UNC5C: variants seen among roughly 807,000 people sequenced by gnomAD.
UNC5C encodes the protein netrin receptor UNC5C.
In UNC5C, 47 loss-of-function variants were observed where a neutral mutation model predicts 99.8. The ratio of observed to expected loss-of-function variants is 0.47; its 90% CI spans 0.37 to 0.60. The LOEUF (loss-of-function observed/expected upper bound fraction) is 0.60. Among genes scored for constraint, UNC5C ranks in the 20% least tolerant of loss-of-function variants. The pLI is 0.00. For synonymous variants in UNC5C, 487 were observed against 452.2 expected (o/e 1.08, Z -0.98); for missense variants, 1,062 against 1,165.9 (o/e 0.91, Z 1.30).
chr4:95,166,536 T>C lies in UNC5C; in HGVS notation c.*2698A>G, dbSNP rs1450922087. 1 of 152,182 alleles carries C rather than the reference T, an allele frequency of 6.6e-6. No individual in the cohort carries two copies. The highest frequency in any genetic ancestry group is 1.9e-4 in the East Asian group (1 of 5,186). 9.4% of individuals were successfully genotyped at this position (152,182 alleles called of 1,614,324 possible). ...CTTCAGTAAGACAAACAATTCCTGT[T>C]TGTGTTCAATAGTTCTGTGTTGGTG... On this transcript the variant is annotated 3_prime_UTR_variant, in exon 16 of 16. Coordinates refer to ENST00000453304, the MANE Select transcript of UNC5C (RefSeq NM_003728.4).
chr4:95,184,107 G>A (rs1736731283), intron 13 of UNC5C, among the ~76,000 whole-genome samples: 1 of 152,160 alleles, frequency 6.6e-6, no homozygotes, highest in South Asian at 2.1e-4. Context: ...AGCAAAGAAA[G>A]AGGTATACTG....
intron 1 of UNC5C, among the ~76,000 whole-genome samples, chr4:95,420,187 T>C (rs1044607068): frequency 1.3e-5 from 2 of 152,288 alleles, no homozygotes; most frequent in Admixed American, 1.3e-4. Flanking sequence ...GAAAATATTA[T>C]CCACCTATTC....
In UNC5C at chr4:95,335,642, A is replaced by G. The variant is rs372187348; in HGVS notation, c.125-11T>C. 1.9e-6 allele frequency: 3 copies of G among 1,599,156 alleles called. No homozygotes were observed. The highest frequency in any genetic ancestry group is 2.6e-6 in the Non-Finnish European group (3 of 1,173,104). ...GAAAAAAGTCATCATCTGAGAAAGAAGAAGAAAGTGGAAGATGGTTAACAC... is the reference window on the plus strand; with the variant it reads ...GAAAAAAGTCATCATCTGAGAAAGAGGAAGAAAGTGGAAGATGGTTAACAC... On this transcript the variant is annotated splice_polypyrimidine_tract_variant and intron_variant, in intron 1 of 15. Transcript: ENST00000453304.
intron 7 of UNC5C, among the ~76,000 whole-genome samples, chr4:95,223,628 C>G (rs1273711888): frequency 6.6e-6 from 1 of 152,182 alleles, no homozygotes; most frequent in East Asian, 1.9e-4. Context: ...TGATTGCAAC[C>G]TCCTACTCAG....
At chr4:95,217,232 C>T (rs552536485) in intron 9 of UNC5C, among the ~76,000 whole-genome samples, 56 of 152,226 alleles carry the variant, frequency 3.7e-4, no homozygotes, top group African/African-American at 1.3e-3. Context: ...GCCAAATGAG[C>T]GTGGGGCAAT....
At chr4:95,224,014 G>A (rs1219608919) in intron 7 of UNC5C, among the ~76,000 whole-genome samples, 1 of 152,194 alleles carries the variant, frequency 6.6e-6, no homozygotes, top group East Asian at 1.9e-4. Flanking sequence ...CGGGCATGGT[G>A]GCTCACATCT....
chr4:95,339,167 G>C (rs151246274), intron 1 of UNC5C, among the ~76,000 whole-genome samples: 1 of 152,220 alleles, frequency 6.6e-6, no homozygotes, highest in Non-Finnish European at 1.5e-5. Flanking sequence ...TGTTCAGACT[G>C]AGAAACTCAG....
chr4:95,545,095 A>AG (rs1423834864), intron 1 of UNC5C, among the ~76,000 whole-genome samples: 8 of 152,144 alleles, frequency 5.3e-5, no homozygotes, highest in Admixed American at 3.3e-4. Flanking sequence ...TCATGTCCTT[A>AG]GGGGGGGTTG....
At chr4:95,451,247 G>T (rs562194681) in intron 1 of UNC5C, among the ~76,000 whole-genome samples, 1 of 152,272 alleles carries the variant, frequency 6.6e-6, no homozygotes, top group Non-Finnish European at 1.5e-5. Context: ...CAAAATGGCA[G>T]GCAATGCTGA....
intron 12 of UNC5C, among the ~76,000 whole-genome samples, chr4:95,198,845 G>A (rs748044372): frequency 6.7e-4 from 102 of 152,298 alleles, no homozygotes; most frequent in Middle Eastern, 3.4e-3. Context: ...ATGACGTGAG[G>A]TTGTAGGAAA....
At chr4:95,459,237 G>A (rs1012159407) in intron 1 of UNC5C, among the ~76,000 whole-genome samples, 1 of 152,070 alleles carries the variant, frequency 6.6e-6, no homozygotes, top group East Asian at 1.9e-4. Flanking sequence ...TTCCTATGTG[G>A]AGCATAGTCA....
At chr4:95,440,702 C>CA (rs1343502314) in intron 1 of UNC5C, among the ~76,000 whole-genome samples, 3 of 151,902 alleles carry the variant, frequency 2.0e-5, no homozygotes, top group African/African-American at 7.3e-5. Flanking sequence ...CAGTAAGTCC[C>CA]AAAAGGAGGG....
chr4:95,262,261 A>T (rs944844533), intron 4 of UNC5C, among the ~76,000 whole-genome samples: 5 of 152,208 alleles, frequency 3.3e-5, no homozygotes, highest in African/African-American at 1.2e-4. Flanking sequence ...AGGGCCTAAT[A>T]TGTCAAATGA....
chr4:95,296,972 T>C (rs1741690314), intron 3 of UNC5C, among the ~76,000 whole-genome samples: 2 of 152,150 alleles, frequency 1.3e-5, no homozygotes, highest in South Asian at 4.1e-4. Context: ...AGTCTCAGCT[T>C]CTCTCTCCTG....
rs141695995 is a variant in UNC5C at position 95,299,159 on chromosome 4, G to A, written c.490+2447C>T. Among the ~76,000 whole-genome samples the A allele has an allele frequency of 1.1e-3, 165 of 152,278 alleles. No individual in the cohort carries two copies. In the Middle Eastern group the frequency reaches 0.014, roughly 13 times the overall value. On this transcript the variant is annotated intron_variant, in intron 3 of 15. Transcript: ENST00000453304. ...GAGGTGATCAAGTTAAAATGAAGCT[G>A]TTAGGGTGGGCCCCAACCCAATCTG...
intron 3 of UNC5C, among the ~76,000 whole-genome samples, chr4:95,284,618 T>G (rs1741170091): frequency 2.0e-5 from 3 of 152,082 alleles, no homozygotes; most frequent in Admixed American, 2.0e-4. Flanking sequence ...AAATTTGGTA[T>G]TTAAAAAAAT....
At chr4:95,258,743 A>ATTTTTTTTT (rs1740102405) in intron 4 of UNC5C, among the ~76,000 whole-genome samples, 1 of 85,868 alleles carries the variant, frequency 1.2e-5, no homozygotes, top group East Asian at 4.4e-4. Context: ...CGACCATCTT[A>ATTTTTTTTT]TTCTTTTTTT....
At chr4:95,350,935 T>C (rs1302472347) in intron 1 of UNC5C, among the ~76,000 whole-genome samples, 2 of 152,110 alleles carry the variant, frequency 1.3e-5, no homozygotes, top group Non-Finnish European at 2.9e-5. Flanking sequence ...ATAATCTGGA[T>C]GTGTCTGATT....
At chr4:95,547,697 G>A (rs1723108414) in intron 1 of UNC5C, among the ~76,000 whole-genome samples, 1 of 152,230 alleles carries the variant, frequency 6.6e-6, no homozygotes, top group Non-Finnish European at 1.5e-5. Context: ...TGGGGCCCAG[G>A]TGACCTGAAA....
Sources: gnomAD v4.1 joint callset for allele counts (sites outside exome capture counted in the v4.1 genomes callset) on GRCh38, gnomAD v4.1.1 for gene constraint, MANE v1.5 for transcripts, NCBI Gene and HGNC (gene_info 2026-07-23, HGNC 2026-07-21) for gene names.